Variants in THSD7A observed in about 807,000 individuals in gnomAD.
THSD7A encodes the protein thrombospondin type 1 domain containing 7A.
THSD7A carries 96 observed loss-of-function variants against 231.3 expected under a neutral mutation model. That is an observed-to-expected ratio of 0.41 (90% CI 0.35 to 0.49). The LOEUF is 0.49. Ranked by LOEUF, THSD7A falls within the 20% of genes least tolerant of loss-of-function variation. The pLI, the probability that THSD7A is intolerant of heterozygous loss-of-function variation, is 0.05. For synonymous variants in THSD7A, 940 were observed against 743.3 expected, an observed-to-expected ratio of 1.26 and a Z score of -4.30; for missense variants, 2,290 against 2,070.2, an observed-to-expected ratio of 1.11 and a Z score of -2.06.
At chr7:11,510,740 A>G (rs1562670850) in intron 6 of THSD7A, among the ~76,000 whole-genome samples, 1 of 152,016 alleles carries the variant, frequency 6.6e-6, no homozygotes, top group East Asian at 1.9e-4. Context: ...CATGCTAAAA[A>G]CTCTCAACAA....
At chr7:11,390,589 C>T (rs544662978) in intron 23 of THSD7A, among the ~76,000 whole-genome samples, 35 of 152,326 alleles carry the variant, frequency 2.3e-4, no homozygotes, top group Non-Finnish European at 3.8e-4. Context: ...TACCCACCTT[C>T]TGTCAATTCG....
At chr7:11,529,686 GC>G (rs1382334914) in intron 6 of THSD7A, among the ~76,000 whole-genome samples, 20 of 152,014 alleles carry the variant, frequency 1.3e-4, no homozygotes, top group African/African-American at 4.8e-4. Context: ...TCTGAGTGAG[GC>G]CTCTTCAGCC....
intron 2 of THSD7A, among the ~76,000 whole-genome samples, chr7:11,629,574 G>C (rs1781582346): frequency 6.6e-6 from 1 of 152,254 alleles, no homozygotes; most frequent in African/African-American, 2.4e-5. Flanking sequence ...TTTCTCTTTG[G>C]TAAGGTTAGG....
At chr7:11,765,156 T>C (rs564663010) in intron 1 of THSD7A, among the ~76,000 whole-genome samples, 1 of 152,150 alleles carries the variant, frequency 6.6e-6, no homozygotes, top group Non-Finnish European at 1.5e-5. Flanking sequence ...TATAGAAAAA[T>C]ATAGGTTCAT....
In THSD7A at chr7:11,820,545, T is replaced by G. The variant is rs1384036780; in HGVS notation, c.190+11212A>C. 2.1e-5 allele frequency: 15 copies of G among 719,410 alleles called. No homozygotes were observed. In the African/African-American group the frequency reaches 2.5e-4, roughly 12 times the overall value. 44.6% of individuals were successfully genotyped at this position (719,410 alleles called of 1,614,324 possible). On this transcript the variant is annotated intron_variant, in intron 1 of 27. Coordinates refer to ENST00000423059, the MANE Select transcript of THSD7A (RefSeq NM_015204.3). The stretch of plus-strand genomic sequence containing the variant: ...CCACTCCTCTTACCGGTTTCTTTTT[T>G]GAAAATCATTGTTACTCTTGTTATT...
intron 2 of THSD7A, among the ~76,000 whole-genome samples, chr7:11,613,604 G>A (rs1781008439): frequency 6.6e-6 from 1 of 152,202 alleles, no homozygotes. Flanking sequence ...AGACTAGTAA[G>A]AATGAAGATT....
At chr7:11,828,442 G>A (rs917765661) in intron 1 of THSD7A, among the ~76,000 whole-genome samples, 3 of 151,934 alleles carry the variant, frequency 2.0e-5, no homozygotes, top group East Asian at 1.9e-4. Flanking sequence ...TTATCTTTGC[G>A]ACCCTTCACA....
chr7:11,557,434 ATCT>A (rs1485799819), intron 4 of THSD7A, among the ~76,000 whole-genome samples: 1 of 152,076 alleles, frequency 6.6e-6, no homozygotes, highest in Non-Finnish European at 1.5e-5. Flanking sequence ...TAATTCTAAC[ATCT>A]TCATCATCTC....
chr7:11,493,019 C>T (rs1786962076), intron 6 of THSD7A, among the ~76,000 whole-genome samples: 1 of 152,074 alleles, frequency 6.6e-6, no homozygotes, highest in Non-Finnish European at 1.5e-5. Flanking sequence ...TTGGGAACCA[C>T]ACATGTATTA....
chr7:11,478,846 T>C (rs944496456), intron 7 of THSD7A, among the ~76,000 whole-genome samples: 9 of 152,150 alleles, frequency 5.9e-5, no homozygotes, highest in African/African-American at 2.2e-4. Flanking sequence ...GTAAGAGTAC[T>C]AGTCAATACT....
At chr7:11,662,781 G>C (rs1459774127) in intron 1 of THSD7A, among the ~76,000 whole-genome samples, 1 of 151,302 alleles carries the variant, frequency 6.6e-6, no homozygotes, top group African/African-American at 2.4e-5. Context: ...GAAATGTTTT[G>C]AGTGACTAAA....
chr7:11,636,192 C>A lies in THSD7A; in HGVS notation c.960G>T (p.Gln320His), dbSNP rs749676931. 3 of 1,613,892 alleles carry A rather than the reference C, an allele frequency of 1.9e-6. No individual in the cohort carries two copies. In the East Asian group the frequency reaches 6.7e-5, roughly 36 times the overall value. The stretch of plus-strand genomic sequence containing the variant: ...TAACCTCTCTGGTCTGATATCCAAT[C>A]TGGATGTCCCAATATTTGTTCTCTT... ...NRQENKYWDI[Q>H]IGYQTREVMC... The change falls in exon 2 of 28, where the codon CAG becomes CAT. Residue 320 changes from glutamine to histidine, a missense_variant. Gln to His is a conservative substitution (Grantham distance 24, BLOSUM62 0). Transcript: ENST00000423059. This position sits in a 1 kb window ranked among gnomAD's most constrained non-coding sequence, Gnocchi z 10.0.
chr7:11,807,501 A>T (rs12530816), intron 1 of THSD7A, among the ~76,000 whole-genome samples: 72,089 of 151,802 alleles, frequency 0.47, 19,245 homozygotes, highest in Middle Eastern at 0.64. Flanking sequence ...ATAAAGTAAA[A>T]TTATAAAACA....
In THSD7A at chr7:11,634,521, C is replaced by T. The variant is rs1469321957; in HGVS notation, c.1022+1609G>A. On this transcript the variant is annotated intron_variant, in intron 2 of 27. Coordinates refer to ENST00000423059, the MANE Select transcript of THSD7A (RefSeq NM_015204.3). This position sits in a 1 kb window ranked among gnomAD's most constrained non-coding sequence, Gnocchi z 4.1. The stretch of plus-strand genomic sequence containing the variant: ...TCAGGAAAAGAGATAAGAAAATCAC[C>T]AGAATAAGGATAGTCAGAAAAGAAC... Among the ~76,000 whole-genome samples the T allele has an allele frequency of 6.6e-6, 1 of 151,898 alleles. No individual in the cohort carries two copies. Among genetic ancestry groups the T allele is most frequent in the Non-Finnish European group, 1.5e-5 (1 of 67,952 alleles).
At chr7:11,523,318 G>A (rs977734005) in intron 6 of THSD7A, among the ~76,000 whole-genome samples, 1 of 151,916 alleles carries the variant, frequency 6.6e-6, no homozygotes, top group African/African-American at 2.4e-5. Flanking sequence ...AGAGACACAG[G>A]CACTAGAAAT....
At chr7:11,467,569 C>G (rs1286428149) in intron 9 of THSD7A, among the ~76,000 whole-genome samples, 1 of 152,114 alleles carries the variant, frequency 6.6e-6, no homozygotes, top group Non-Finnish European at 1.5e-5. Flanking sequence ...TCTATTCATT[C>G]TCATCTATCT....
intron 4 of THSD7A, among the ~76,000 whole-genome samples, chr7:11,556,211 G>A (rs1789837015): frequency 6.6e-6 from 1 of 151,424 alleles, no homozygotes; most frequent in African/African-American, 2.4e-5. Context: ...GTTTTTGAGT[G>A]CATGTCCTTC....
At chr7:11,563,546 G>C (rs1453775239) in intron 4 of THSD7A, among the ~76,000 whole-genome samples, 1 of 151,972 alleles carries the variant, frequency 6.6e-6, no homozygotes, top group Non-Finnish European at 1.5e-5. Context: ...TTTTTTAGTA[G>C]AGACAGGGTT....
intron 1 of THSD7A, among the ~76,000 whole-genome samples, chr7:11,718,341 T>C (rs1269557299): frequency 6.6e-6 from 1 of 151,686 alleles, no homozygotes; most frequent in Non-Finnish European, 1.5e-5. Context: ...TAGATACATA[T>C]ACATAAAGTT....
Sources: allele counts gnomAD v4.1 joint callset (sites outside exome capture counted in the v4.1 genomes callset), GRCh38; gene constraint gnomAD v4.1.1; non-coding constraint Gnocchi (gnomAD v3.1); transcripts MANE v1.5; gene names NCBI Gene and HGNC (gene_info 2026-07-23, HGNC 2026-07-21).